Variants in ATG101 observed in about 807,000 individuals in gnomAD.
The protein encoded by ATG101 is autophagy related 101, also known as autophagy-related protein 101.
A neutral mutation model predicts 16.7 loss-of-function variants in ATG101; 6 were observed. The observed-to-expected ratio is 0.36, with a 90% CI of 0.20 to 0.71. The LOEUF is 0.71. ATG101 is among the 30% of genes least tolerant of loss of function. The probability of loss-of-function intolerance (pLI) is 0.57; values close to 1 mark genes in which losing one functional copy is unlikely to be tolerated. For synonymous variants in ATG101, 108 were observed against 118.1 expected, an observed-to-expected ratio of 0.91 and a Z score of 0.56; for missense variants, 200 against 292.5, an observed-to-expected ratio of 0.68 and a Z score of 2.31.
chr12:52,071,701 C>A (rs895125166), intron 2 of ATG101, among the ~76,000 whole-genome samples: 1 of 151,968 alleles, frequency 6.6e-6, no homozygotes, highest in African/African-American at 2.4e-5. Flanking sequence ...GCCTGTGTTC[C>A]CAGCTGCTTG....
In ATG101 at chr12:52,077,014, C is replaced by T. The variant is rs1465612076; in HGVS notation, c.481C>T (p.Arg161Trp). 5 of 1,614,168 alleles carry T rather than the reference C, an allele frequency of 3.1e-6. No homozygotes were observed. Among genetic ancestry groups the T allele is most frequent in the Admixed American group, 1.7e-5 (1 of 60,022 alleles). ...KIINIVEVMN[R>W]HEYLPKMPTQ... ...CATCAACATCGTGGAGGTGATGAAT[C>T]GGCATGAGTACTTGCCCAAGATGCC... Residue 161 changes from arginine (R) to tryptophan (W), a missense_variant, in exon 4 of 4, where the codon CGG becomes TGG. Coordinates refer to ENST00000336854, the MANE Select transcript of ATG101 (RefSeq NM_021934.5).
chr12:52,069,343 C>A (rs1455581152), upstream of ATG101: 2 of 152,270 alleles, frequency 1.3e-5, no homozygotes, highest in Non-Finnish European at 2.9e-5. Flanking sequence ...TCAAGTAGTG[C>A]TGCTGCATAA....
upstream of ATG101, among the ~76,000 whole-genome samples, chr12:52,069,021 A>AAAAAAAAAAAC (rs1939592064): frequency 7.0e-6 from 1 of 143,176 alleles, no homozygotes; most frequent in Admixed American, 6.9e-5. Flanking sequence ...AAAAAAAAAA[A>AAAAAAAAAAAC]ATACTGCCTC....
intron 2 of ATG101, 138 bp from the exon 3 acceptor site, chr12:52,073,434 TTGA>T (rs1939681515): frequency 3.5e-6 from 2 of 574,420 alleles, no homozygotes; most frequent in South Asian, 4.5e-5. Context: ...ATCCTGAGAC[TTGA>T]TGATTCGTTG....
rs763663405 is a variant in ATG101, at chr12:52,076,961, AG to A, written c.430del (p.Val144TrpfsTer15). The A allele has an allele frequency of 1.2e-6, 2 of 1,614,212 alleles. No individual in the cohort carries two copies. The highest frequency in any genetic ancestry group is 1.7e-6 in the Non-Finnish European group (2 of 1,180,038). Reference sequence around the variant, plus strand: ...CAGGAGCGGCAGATCTGCCGGGAGAAGGTGGGTGAGAAACTCTGCGAGAAGA... The same window carrying A: ...CAGGAGCGGCAGATCTGCCGGGAGAAGTGGGTGAGAAACTCTGCGAGAAGA... ...TEQERQICREKVGEKLCEKII... is the reference protein window; with the variant it reads ...TEQERQICREXVGEKLCEKII... On this transcript the variant is annotated frameshift_variant, in exon 4 of 4. Coordinates refer to ENST00000336854, the MANE Select transcript of ATG101 (RefSeq NM_021934.5). LOFTEE classifies it high-confidence loss of function.
chr12:52,073,529 A>G lies in ATG101; in HGVS notation c.-76-46A>G. On this transcript the variant is annotated intron_variant, in intron 2 of 3. Coordinates refer to ENST00000336854, the MANE Select transcript of ATG101 (RefSeq NM_021934.5). ...GCCTAGAAGGAAGTGAACAGATAACACGTGGACTATTCTTGTCAGCATTCT... is the reference window on the plus strand; with the variant it reads ...GCCTAGAAGGAAGTGAACAGATAACGCGTGGACTATTCTTGTCAGCATTCT... 8.7e-6 allele frequency: 11 copies of G among 1,269,658 alleles called. No individual in the cohort carries two copies. The South Asian group carries it at 1.6e-4, about 18-fold the overall frequency. The allele number at this position is 1,269,658 out of a possible 1,614,324, so 78.6% of individuals were successfully genotyped here.
chr12:52,077,280 C>T lies in ATG101; in HGVS notation c.*90C>T. The T allele has an allele frequency of 7.0e-7, 1 of 1,425,182 alleles. No homozygotes were observed. 88.3% of individuals were successfully genotyped at this position (1,425,182 alleles called of 1,614,324 possible). ...TTGGGCCTTTGGGCTCTGGAACCTG[C>T]TCTGGGTCATTGGTGAGACTTGGAA... is the stretch of plus-strand genomic sequence containing the variant. On this transcript the variant is annotated 3_prime_UTR_variant, in exon 4 of 4. Coordinates refer to ENST00000336854, the MANE Select transcript of ATG101 (RefSeq NM_021934.5).
upstream of ATG101, among the ~76,000 whole-genome samples, chr12:52,066,549 G>A (rs1483832765): frequency 2.0e-5 from 3 of 152,162 alleles, no homozygotes; most frequent in Admixed American, 6.5e-5. Flanking sequence ...AAGCTGACAC[G>A]TAAAATTAAG....
chr12:52,073,740 G>A lies in ATG101; in HGVS notation c.90G>A (p.Leu30=). The A allele has an allele frequency of 6.2e-7, 1 of 1,614,206 alleles. No homozygotes were observed. Among genetic ancestry groups the A allele is most frequent in the African/African-American group, 1.3e-5 (1 of 75,048 alleles). ...TGGCTGTGCTGCACACGGTGCTTCT[G>A]CACCGCAGCACAGGCAAGTTCCACT... is the stretch of plus-strand genomic sequence containing the variant. ...AMLAVLHTVL[L]HRSTGKFHYK... The change falls in exon 3 of 4, where the codon CTG becomes CTA. Residue 30 remains leucine, a synonymous_variant. Coordinates refer to ENST00000336854, the MANE Select transcript of ATG101 (RefSeq NM_021934.5).
rs575273428 is a variant in ATG101 at position 52,076,974 on chromosome 12, A to G, written c.441A>G (p.Lys147=). Residue 147 remains lysine, a synonymous_variant, in exon 4 of 4, where the codon AAA becomes AAG. Transcript: ENST00000336854. ...TCTGCCGGGAGAAGGTGGGTGAGAA[A>G]CTCTGCGAGAAGATCATCAACATCG... ...RQICREKVGE[K]LCEKIINIVE... 8 of 1,613,956 alleles carry G rather than the reference A, an allele frequency of 5.0e-6. No homozygotes were observed. The Admixed American group carries it at 1.2e-4, about 24-fold the overall frequency.
Position 52,073,881 on chromosome 12 carries a change from C to G in ATG101, c.231C>G (p.Arg77=). ...CTGAGGAACTGGATCGTGCCCTGCG[C>G]AAGGTTGTTGGGGAGTTCAAGGTAA... ...VSSEELDRAL[R]KVVGEFKDAL... Residue 77 remains arginine (R), a synonymous_variant, in exon 3 of 4, where the codon CGC becomes CGG. Coordinates refer to ENST00000336854, the MANE Select transcript of ATG101 (RefSeq NM_021934.5). 1 of 1,613,988 alleles carries G rather than the reference C, an allele frequency of 6.2e-7. No individual in the cohort carries two copies. Among genetic ancestry groups the G allele is most frequent in the Non-Finnish European group, 8.5e-7 (1 of 1,180,018 alleles).
upstream of ATG101, among the ~76,000 whole-genome samples, chr12:52,068,854 G>T (rs1242510744): frequency 2.6e-5 from 4 of 151,914 alleles, no homozygotes; most frequent in East Asian, 5.8e-4. Flanking sequence ...AGCCGGGCGT[G>T]GTGGTGGGCG....
At chr12:52,072,965 G>T (rs1939673568) in intron 2 of ATG101, among the ~76,000 whole-genome samples, 1 of 151,940 alleles carries the variant, frequency 6.6e-6, no homozygotes, top group African/African-American at 2.4e-5. Flanking sequence ...GTAGAGATGG[G>T]GTTTTATCAT....
rs756825145 is a variant in ATG101 at position 52,076,825 on chromosome 12, A to C, written c.292A>C (p.Met98Leu). The C allele has an allele frequency of 6.2e-7, 1 of 1,614,174 alleles. No individual in the cohort carries two copies. The highest frequency in any genetic ancestry group is 2.2e-5 in the East Asian group (1 of 44,880). ...CTCTGGTGGCGATGGGCTGGGGCAG[A>C]TGTCCTTGGAGTTCTACCAGAAGAA... ...RNSGGDGLGQ[M>L]SLEFYQKKKS... Residue 98 changes from methionine to leucine, a missense_variant, in exon 4 of 4, where the codon ATG (methionine) becomes CTG (leucine). Coordinates refer to ENST00000336854, the MANE Select transcript of ATG101 (RefSeq NM_021934.5).
chr12:52,066,490 A>C (rs74374483), upstream of ATG101, among the ~76,000 whole-genome samples: 7,793 of 152,204 alleles, frequency 0.051, 490 homozygotes, highest in African/African-American at 0.15. Context: ...CCCACAGACA[A>C]GCCCAGAATC....
chr12:52,067,700 G>C (rs1313237851), upstream of ATG101, among the ~76,000 whole-genome samples: 1 of 151,080 alleles, frequency 6.6e-6, no homozygotes, highest in Admixed American at 6.6e-5. Flanking sequence ...CGATTCTCCT[G>C]ACTCAGCCTC....
At chr12:52,072,804 G>A (rs934111570) in intron 2 of ATG101, among the ~76,000 whole-genome samples, 1 of 151,282 alleles carries the variant, frequency 6.6e-6, no homozygotes, top group African/African-American at 2.4e-5. Context: ...ACAGGGTCTC[G>A]CTTTGTCACT....
At position 52,077,048 on chromosome 12, in the gene ATG101, C is replaced by T. The variant is rs149628632; in HGVS notation, c.515C>T (p.Ser172Leu). ...TACTTGCCCAAGATGCCCACACAGT[C>T]GGAGGTGGATAACGTGTTTGACACA... ...HEYLPKMPTQSEVDNVFDTGL... is the reference protein window; with the variant it reads ...HEYLPKMPTQLEVDNVFDTGL... Residue 172 changes from serine to leucine, a missense_variant, in exon 4 of 4, where the codon TCG (serine) becomes TTG (leucine). Ser to Leu is a moderately radical substitution (Grantham distance 145). Coordinates refer to ENST00000336854, the MANE Select transcript of ATG101 (RefSeq NM_021934.5). 24 of 1,614,010 alleles carry T rather than the reference C, an allele frequency of 1.5e-5. No individual in the cohort carries two copies. Among genetic ancestry groups the T allele is most frequent in the Admixed American group, 8.3e-5 (5 of 59,992 alleles).
upstream of ATG101, among the ~76,000 whole-genome samples, chr12:52,068,206 C>A (rs1351477697): frequency 1.3e-5 from 2 of 149,170 alleles, no homozygotes; most frequent in Non-Finnish European, 3.0e-5. Flanking sequence ...GACACCACAC[C>A]TGGCTTTTTT....
Sources: gnomAD v4.1 joint callset for allele counts (sites outside exome capture counted in the v4.1 genomes callset) on GRCh38, gnomAD v4.1.1 for gene constraint, MANE v1.5 for transcripts, NCBI Gene and HGNC (gene_info 2026-07-23, HGNC 2026-07-21) for gene names.